The following HTR4 variants were observed in gnomAD, a reference collection of about 807,000 sequenced individuals.
The protein encoded by HTR4 is 5-hydroxytryptamine receptor 4, also known as 5-hydroxytryptamine (serotonin) receptor 4, G protein-coupled.
Under a neutral mutation model 36.8 loss-of-function variants are expected in HTR4, and 16 were observed. The observed-to-expected ratio is 0.43, with a 90% CI of 0.29 to 0.66. HTR4 has a LOEUF of 0.66. Among genes scored for constraint, HTR4 ranks in the 30% least tolerant of loss-of-function variants. HTR4 has a pLI of 0.13. For synonymous variants in HTR4, 189 were observed against 185.1 expected (o/e 1.02, Z -0.17); for missense variants, 438 against 490.9 (o/e 0.89, Z 1.02).
chr5:148,514,950 A>C (rs1419138639), intron 5 of HTR4, among the ~76,000 whole-genome samples: 2 of 151,992 alleles, frequency 1.3e-5, no homozygotes, highest in Non-Finnish European at 2.9e-5. Flanking sequence ...CAAGCAGCAT[A>C]TATTTGTATT....
chr5:148,559,696 C>G (rs1430516599), intron 2 of HTR4, among the ~76,000 whole-genome samples: 1 of 152,066 alleles, frequency 6.6e-6, no homozygotes, highest in Non-Finnish European at 1.5e-5. Flanking sequence ...TGACTGCGAG[C>G]TAGCTTCCCC....
At chr5:148,593,295 A>G (rs1388095934) in intron 2 of HTR4, among the ~76,000 whole-genome samples, 2 of 152,180 alleles carry the variant, frequency 1.3e-5, no homozygotes, top group African/African-American at 4.8e-5. Flanking sequence ...GGCAAATTTC[A>G]TGATATTTTC....
At chr5:148,463,165 CTTTTTTTTTTTTTTTTTT>C (rs71001490) in intron 5 of HTR4, among the ~76,000 whole-genome samples, 2 of 64,152 alleles carry the variant, frequency 3.1e-5, no homozygotes, top group African/African-American at 1.2e-4. Context: ...CTTTTTTTTT[CTTTTTTTTTTTTTTTTTT>C]TTTTTTTGAG....
intron 4 of HTR4, among the ~76,000 whole-genome samples, chr5:148,534,003 T>C (rs1395415075): frequency 6.6e-6 from 1 of 152,190 alleles, no homozygotes; most frequent in Non-Finnish European, 1.5e-5. Flanking sequence ...TAAAGGTGAA[T>C]GAATTGGTCT....
At position 148,524,470 on chromosome 5, in the gene HTR4, C is replaced by A. The variant is rs533085185; in HGVS notation, c.354-1124G>T. 1.2e-3 allele frequency among the ~76,000 whole-genome samples: 187 copies of A among 152,288 alleles called. 2 individuals carry two copies. The highest frequency in any genetic ancestry group is 2.5e-3 in the East Asian group (13 of 5,168). On this transcript the variant is annotated intron_variant, in intron 4 of 6. Transcript: ENST00000377888. ...GCTCACTATCTTTTGATTCCATGTT[C>A]TGCCTATGATACTAACTTTCTTCCT...
At chr5:148,532,467 T>C (rs1460098877) in intron 4 of HTR4, among the ~76,000 whole-genome samples, 1 of 152,188 alleles carries the variant, frequency 6.6e-6, no homozygotes, top group East Asian at 1.9e-4. Flanking sequence ...GTACAATAAA[T>C]TCCATTAAAA....
intron 5 of HTR4, among the ~76,000 whole-genome samples, chr5:148,469,144 G>A (rs559385499): frequency 1.3e-5 from 2 of 151,954 alleles, no homozygotes; most frequent in South Asian, 2.1e-4. Context: ...ACAATACCAG[G>A]AAACACAAAT....
intron 2 of HTR4, among the ~76,000 whole-genome samples, chr5:148,602,736 T>C (rs1762042603): frequency 6.6e-6 from 1 of 152,122 alleles, no homozygotes; most frequent in Non-Finnish European, 1.5e-5. Context: ...CAATTGACCC[T>C]AGACAGGCTT....
chr5:148,643,406 T>C (rs1163517546), intron 1 of HTR4, among the ~76,000 whole-genome samples: 1 of 152,166 alleles, frequency 6.6e-6, no homozygotes, highest in Non-Finnish European at 1.5e-5. Context: ...ATATATCTAG[T>C]GTTTCTAGAA....
At chr5:148,473,131 C>T (rs1755611453), downstream of HTR4, among the ~76,000 whole-genome samples, 1 of 151,784 alleles carries the variant, frequency 6.6e-6, no homozygotes, top group African/African-American at 2.4e-5. Flanking sequence ...AACCCCGTCT[C>T]TACTAAAAAT....
chr5:148,599,369 A>G (rs1761899058), intron 2 of HTR4, among the ~76,000 whole-genome samples: 1 of 152,186 alleles, frequency 6.6e-6, no homozygotes, highest in African/African-American at 2.4e-5. Context: ...TGTAAATAGA[A>G]AATTTTAAAA....
chr5:148,482,421 G>C lies in HTR4; in HGVS notation c.*782C>G. 1.0e-6 allele frequency: 1 copy of C among 985,690 alleles called. No individual in the cohort carries two copies. Among genetic ancestry groups the C allele is most frequent in the Non-Finnish European group, 1.2e-6 (1 of 830,158 alleles). The allele number at this position is 985,690 out of a possible 1,614,324, so 61.1% of individuals were successfully genotyped here. On this transcript the variant is annotated 3_prime_UTR_variant, in exon 7 of 7. Coordinates refer to ENST00000377888, the MANE Select transcript of HTR4 (RefSeq NM_000870.7). ...CGAGCATCTCAGGGCAGACACGCCA[G>C]CGGCCAGGACACCAGGAGGAAGCTA...
intron 4 of HTR4, among the ~76,000 whole-genome samples, chr5:148,547,575 A>AAAT: frequency 1.4e-5 from 2 of 141,584 alleles, no homozygotes; most frequent in South Asian, 4.5e-4. Context: ...ATAAATAAAT[A>AAAT]AAAATAAATG....
chr5:148,589,613 A>G (rs1457716554), intron 2 of HTR4, among the ~76,000 whole-genome samples: 3 of 152,088 alleles, frequency 2.0e-5, no homozygotes, highest in African/African-American at 7.2e-5. Context: ...TATCTGTTAC[A>G]TGGTTTACAA....
chr5:148,605,647 A>G (rs1752131553), intron 2 of HTR4, among the ~76,000 whole-genome samples: 1 of 151,994 alleles, frequency 6.6e-6, no homozygotes, highest in African/African-American at 2.4e-5. Flanking sequence ...CGGGCCAGGG[A>G]TCCCCTTCAG....
At chr5:148,538,476 C>A (rs963584756) in intron 4 of HTR4, among the ~76,000 whole-genome samples, 2 of 151,986 alleles carry the variant, frequency 1.3e-5, no homozygotes, top group African/African-American at 4.8e-5. Flanking sequence ...CTAGAAAACC[C>A]CATAGTATTG....
intron 4 of HTR4, among the ~76,000 whole-genome samples, chr5:148,538,085 C>T (rs1362816189): frequency 1.3e-5 from 2 of 152,006 alleles, no homozygotes; most frequent in East Asian, 1.9e-4. Context: ...CATACACAAA[C>T]CAACAAATGT....
At chr5:148,599,469 T>C (rs1487993095) in intron 2 of HTR4, among the ~76,000 whole-genome samples, 2 of 151,926 alleles carry the variant, frequency 1.3e-5, no homozygotes, top group African/African-American at 4.8e-5. Flanking sequence ...TCAAACACAA[T>C]GGAATGAACA....
At position 148,654,269 on chromosome 5, in the gene HTR4, C is replaced by A; in HGVS notation, c.-255G>T. On this transcript the variant is annotated 5_prime_UTR_variant, in exon 1 of 7. Transcript: ENST00000377888. ...CGGGCCAGGGGCTGCGGGCGCAGGA[C>A]CCCAGCCCCGGATCACCTGGGCTCG... 1 of 985,258 alleles carries A rather than the reference C, an allele frequency of 1.0e-6. No homozygotes were observed. The highest frequency in any genetic ancestry group is 1.1e-4 in the East Asian group (1 of 8,784). 61.0% of individuals were successfully genotyped at this position (985,258 alleles called of 1,614,324 possible).
Sources: allele counts gnomAD v4.1 joint callset (sites outside exome capture counted in the v4.1 genomes callset), GRCh38; gene constraint gnomAD v4.1.1; transcripts MANE v1.5; gene names NCBI Gene and HGNC (gene_info 2026-07-23, HGNC 2026-07-21).